Variants in LRCH2 observed in about 807,000 individuals in gnomAD.
The protein encoded by LRCH2 is leucine rich repeats and calponin homology domain containing 2, also known as leucine-rich repeat and calponin homology domain-containing protein 2.
A neutral mutation model predicts 68.9 loss-of-function variants in LRCH2; 38 were observed. The ratio of observed to expected loss-of-function variants is 0.55; its 90% CI spans 0.43 to 0.72. LRCH2 has a LOEUF of 0.72. Among genes scored for constraint, LRCH2 ranks in the 30% least tolerant of loss-of-function variants. The pLI, the probability that LRCH2 is intolerant of heterozygous loss-of-function variation, is 0.00. For missense variants in LRCH2, 528 were observed against 572.9 expected (o/e 0.92, Z 0.80); for synonymous variants, 191 against 208.1 (o/e 0.92, Z 0.71).
chrX:115,219,414 A>C (rs1157009619), intron 1 of LRCH2, among the ~76,000 whole-genome samples: 1 of 13,282 alleles, frequency 7.5e-5, no homozygotes, highest in African/African-American at 1.0e-4. Context: ...AAATTCCACA[A>C]ACTGGAAAAA....
intron 20 of LRCH2, among the ~76,000 whole-genome samples, chrX:115,117,094 T>C (rs1173502865): frequency 2.7e-5 from 3 of 111,248 alleles, no homozygotes; most frequent in Non-Finnish European, 5.7e-5. Context: ...CAATACAAAA[T>C]ATACCTCAGA....
At chrX:115,151,448 G>A (rs1556538308) in intron 12 of LRCH2, among the ~76,000 whole-genome samples, 1 of 111,031 alleles carries the variant, frequency 9.0e-6, no homozygotes, top group Non-Finnish European at 1.9e-5. Flanking sequence ...AAGAAAACTA[G>A]ATTCCTTACC....
intron 1 of LRCH2, among the ~76,000 whole-genome samples, chrX:115,196,422 C>T (rs1247927101): frequency 1.8e-5 from 2 of 111,234 alleles, no homozygotes; most frequent in African/African-American, 6.5e-5. Flanking sequence ...CATCATGGCT[C>T]ATGCACGCAC....
chrX:115,142,826 G>A (rs1400769408), intron 14 of LRCH2, among the ~76,000 whole-genome samples: 4 of 111,914 alleles, frequency 3.6e-5, no homozygotes, highest in Non-Finnish European at 7.5e-5. Context: ...CAGCCCAGGT[G>A]TCATGGCTCA....
intron 3 of LRCH2, among the ~76,000 whole-genome samples, chrX:115,181,659 C>A (rs2072692464): frequency 8.9e-6 from 1 of 112,125 alleles, no homozygotes; most frequent in Non-Finnish European, 1.9e-5. Flanking sequence ...ATTCCAATGA[C>A]AGGGAATATC....
chrX:115,223,340 G>T (rs1436210468), intron 1 of LRCH2, among the ~76,000 whole-genome samples: 1 of 111,238 alleles, frequency 9.0e-6, no homozygotes, highest in Non-Finnish European at 1.9e-5. Context: ...GATAAAATAG[G>T]TGATATCAGT....
intron 6 of LRCH2, among the ~76,000 whole-genome samples, chrX:115,168,292 A>C (rs1053998245): frequency 4.5e-5 from 5 of 111,750 alleles, no homozygotes; most frequent in Non-Finnish European, 9.4e-5. Flanking sequence ...TTTTCTAAGT[A>C]GTTCAATACA....
At chrX:115,224,637 T>C (rs1447504970) in intron 1 of LRCH2, among the ~76,000 whole-genome samples, 1 of 107,622 alleles carries the variant, frequency 9.3e-6, no homozygotes, top group Non-Finnish European at 1.9e-5. Context: ...TGAGCCGTGA[T>C]TGTGCCACTG....
intron 5 of LRCH2, among the ~76,000 whole-genome samples, chrX:115,178,263 A>G (rs1556551553): frequency 8.9e-6 from 1 of 112,033 alleles, no homozygotes; most frequent in Non-Finnish European, 1.9e-5. Context: ...TGTAAATCTT[A>G]GAGCCGTGGT....
chrX:115,111,813 C>A lies in LRCH2; in HGVS notation c.*1403G>T, dbSNP rs1370088538. 9.0e-6 allele frequency: 1 copy of A among 111,489 alleles called. No individual in the cohort carries two copies. Among genetic ancestry groups the A allele is most frequent in the Non-Finnish European group, 1.9e-5 (1 of 52,881 alleles). The allele number at this position is 111,489 out of a possible 1,213,427, so 9.2% of individuals were successfully genotyped here. A position where few individuals can be genotyped will look rare whatever the true frequency, so the allele number is the denominator to read the frequency against. ...ACTAGTTTTTTACCTTTTATATATA[C>A]CCTTTGAAATACCCAGGCCAACATT... On this transcript the variant is annotated 3_prime_UTR_variant, in exon 21 of 21. Transcript: ENST00000317135.
chrX:115,209,183 A>C (rs1556569194), intron 1 of LRCH2, among the ~76,000 whole-genome samples: 4 of 112,477 alleles, frequency 3.6e-5, no homozygotes. Flanking sequence ...AGTACTGTGC[A>C]CTTTGCATAG....
chrX:115,182,502 G>A (rs1556553080), intron 3 of LRCH2, among the ~76,000 whole-genome samples: 1 of 111,650 alleles, frequency 9.0e-6, no homozygotes, highest in Non-Finnish European at 1.9e-5. Context: ...AAGGAATAAA[G>A]GTAATAAGGA....
chrX:115,174,510 T>G (rs1361843735), intron 5 of LRCH2, among the ~76,000 whole-genome samples: 1 of 109,499 alleles, frequency 9.1e-6, no homozygotes, highest in African/African-American at 3.3e-5. Flanking sequence ...ATAATGTCCT[T>G]AAGTTTCATC....
At chrX:115,131,031 A>G (rs2072239446) in intron 14 of LRCH2, among the ~76,000 whole-genome samples, 1 of 111,458 alleles carries the variant, frequency 9.0e-6, no homozygotes, top group Admixed American at 9.6e-5. Flanking sequence ...CCAAATTTCT[A>G]TGCCTGGCAT....
At chrX:115,208,555 G>A (rs1207979100) in intron 1 of LRCH2, among the ~76,000 whole-genome samples, 2 of 111,251 alleles carry the variant, frequency 1.8e-5, no homozygotes, top group Non-Finnish European at 3.8e-5. Context: ...AGAAGGAGAG[G>A]AGTCAGATGG....
At chrX:115,226,268 T>C (rs2073118504) in intron 1 of LRCH2, among the ~76,000 whole-genome samples, 1 of 111,988 alleles carries the variant, frequency 8.9e-6, no homozygotes, top group South Asian at 3.7e-4. Flanking sequence ...ATCTTAGCAA[T>C]TTAATTTTAA....
intron 19 of LRCH2, 64 bp from the exon 20 acceptor site, chrX:115,122,668 A>G (rs2072153642): frequency 3.4e-6 from 4 of 1,171,957 alleles, no homozygotes; most frequent in Non-Finnish European, 3.5e-6. Flanking sequence ...ATCAAAACTG[A>G]AAACTAAGTT....
chrX:115,212,207 G>C (rs1556570179), intron 1 of LRCH2, among the ~76,000 whole-genome samples: 1 of 111,355 alleles, frequency 9.0e-6, no homozygotes, highest in Non-Finnish European at 1.9e-5. Flanking sequence ...CAAATGGCAT[G>C]AACAGTATAT....
rs2072153371 is a variant in LRCH2, at chrX:115,122,621, A to G, written c.2101-17T>C. On this transcript the variant is annotated splice_polypyrimidine_tract_variant and intron_variant, in intron 19 of 20. Coordinates refer to ENST00000317135, the MANE Select transcript of LRCH2 (RefSeq NM_020871.4). Reference sequence around the variant, plus strand: ...CAGTTTGGGCTGTAAAGTAAGAGGGAAAAAATGTACTTTTAGGCATTTTTC... The same window carrying G: ...CAGTTTGGGCTGTAAAGTAAGAGGGGAAAAATGTACTTTTAGGCATTTTTC... The G allele has an allele frequency of 8.3e-6, 10 of 1,199,670 alleles. No individual in the cohort carries two copies. Among genetic ancestry groups the G allele is most frequent in the Non-Finnish European group, 1.1e-5 (10 of 887,776 alleles).
Sources: allele counts gnomAD v4.1 joint callset (sites outside exome capture counted in the v4.1 genomes callset), GRCh38; gene constraint gnomAD v4.1.1; transcripts MANE v1.5; gene names NCBI Gene and HGNC (gene_info 2026-07-23, HGNC 2026-07-21).